TRAF3: variants seen among roughly 807,000 people sequenced by gnomAD.
The protein encoded by TRAF3 is TNF receptor-associated factor 3.
A neutral mutation model predicts 62.3 loss-of-function variants in TRAF3; 13 were observed. The ratio of observed to expected loss-of-function variants is 0.21; its 90% CI spans 0.14 to 0.33. The LOEUF (loss-of-function observed/expected upper bound fraction) is 0.33. TRAF3 is among the 10% of genes least tolerant of loss of function. The probability of loss-of-function intolerance (pLI) is 1.00; values close to 1 mark genes in which losing one functional copy is unlikely to be tolerated. For missense variants in TRAF3, 440 were observed against 741.8 expected, an observed-to-expected ratio of 0.59 and a Z score of 4.73; for synonymous variants, 269 against 283.4, an observed-to-expected ratio of 0.95 and a Z score of 0.51.
intron 1 of TRAF3, among the ~76,000 whole-genome samples, chr14:102,778,373 A>G (rs1282026729): frequency 6.6e-6 from 1 of 152,064 alleles, no homozygotes; most frequent in African/African-American, 2.4e-5. Context: ...ACTTCGGTCT[A>G]GTATTTGGAC....
chr14:102,779,226 A>G (rs1351136068), intron 1 of TRAF3, among the ~76,000 whole-genome samples: 1 of 150,178 alleles, frequency 6.7e-6, no homozygotes, highest in Middle Eastern at 3.5e-3. Context: ...CTGTCAATGC[A>G]GAAGCCAGGA....
intron 1 of TRAF3, among the ~76,000 whole-genome samples, chr14:102,819,725 G>A (rs943144951): frequency 1.3e-5 from 2 of 152,322 alleles, no homozygotes; most frequent in East Asian, 1.9e-4. Context: ...AACAGAAATA[G>A]TGAAAGTACC....
chr14:102,799,169 T>C lies in TRAF3; in HGVS notation c.-157+21494T>C, dbSNP rs146552653. On this transcript the variant is annotated intron_variant, in intron 1 of 11. Transcript: ENST00000392745. ...AAGCAGAATTAAGAGTCTGGTGGCA[T>C]TGGGGGGAGATTAGTGCTGTGGAAG... 5.4e-3 allele frequency among the ~76,000 whole-genome samples: 824 copies of C among 151,956 alleles called. 6 individuals are homozygous for C. The highest frequency in any genetic ancestry group is 9.8e-3 in the Admixed American group (150 of 15,274).
chr14:102,806,519 T>G (rs746272538), intron 1 of TRAF3, among the ~76,000 whole-genome samples: 2 of 152,226 alleles, frequency 1.3e-5, no homozygotes, highest in Admixed American at 1.3e-4. Context: ...CCCAAACTTA[T>G]GTCTTTAGTC....
At chr14:102,866,352 C>T (rs1043562335) in intron 2 of TRAF3, among the ~76,000 whole-genome samples, 1 of 151,942 alleles carries the variant, frequency 6.6e-6, no homozygotes, top group African/African-American at 2.4e-5. Flanking sequence ...CACAACGGCA[C>T]GTGTATACCC....
At chr14:102,787,314 CAT>C (rs529521592) in intron 1 of TRAF3, among the ~76,000 whole-genome samples, 5 of 152,282 alleles carry the variant, frequency 3.3e-5, no homozygotes, top group South Asian at 2.1e-4. Flanking sequence ...GCAATTTTAA[CAT>C]ATGAATTTTT....
chr14:102,861,830 A>C (rs1278787889), intron 2 of TRAF3, among the ~76,000 whole-genome samples: 1 of 152,202 alleles, frequency 6.6e-6, no homozygotes, highest in Non-Finnish European at 1.5e-5. Context: ...GCGCTTGTTG[A>C]ATATTTCAGT....
At position 102,908,799 on chromosome 14, in the gene TRAF3, C is replaced by G. The variant is rs1193587409; in HGVS notation, c.*3015C>G. The G allele has an allele frequency of 6.6e-6, 1 of 152,338 alleles. No homozygotes were observed. The highest frequency in any genetic ancestry group is 1.9e-4 in the East Asian group (1 of 5,200). The allele number at this position is 152,338 out of a possible 1,614,324, so 9.4% of individuals were successfully genotyped here. The stretch of plus-strand genomic sequence containing the variant: ...AACAAAACAACGTCCCCTCTCCCCT[C>G]GCCTCGAGCAGTTTCTTCAGGACAC... On this transcript the variant is annotated 3_prime_UTR_variant, in exon 12 of 12. Transcript: ENST00000392745.
At chr14:102,848,889 A>G (rs1317226751) in intron 2 of TRAF3, among the ~76,000 whole-genome samples, 1 of 152,190 alleles carries the variant, frequency 6.6e-6, no homozygotes, top group African/African-American at 2.4e-5. Flanking sequence ...GGTACTTCAG[A>G]GGTGCGTGAT....
At chr14:102,833,035 G>A (rs1186758885) in intron 2 of TRAF3, among the ~76,000 whole-genome samples, 1 of 152,154 alleles carries the variant, frequency 6.6e-6, no homozygotes, top group Non-Finnish European at 1.5e-5. Flanking sequence ...CCACATAAAT[G>A]GGTGTGACCT....
At chr14:102,876,591 C>A (rs185573140) in intron 6 of TRAF3, 66 bp downstream of exon 6, 1 of 1,574,916 alleles carries the variant, frequency 6.3e-7, no homozygotes, top group African/African-American at 1.4e-5. Context: ...ACAGGCCTTC[C>A]GCTCAATTCG....
rs181532243 is a variant in TRAF3 at position 102,787,971 on chromosome 14, C to G, written c.-157+10296C>G. Reference sequence around the variant, plus strand: ...GGTTCAAGCCATTCTCATGCCTCAGCCTCCCGAGTAGCTGGGATTACAGGT... The same window carrying G: ...GGTTCAAGCCATTCTCATGCCTCAGGCTCCCGAGTAGCTGGGATTACAGGT... On this transcript the variant is annotated intron_variant, in intron 1 of 11. Transcript: ENST00000392745. Among the ~76,000 whole-genome samples the G allele has an allele frequency of 3.2e-3, 493 of 151,782 alleles. 4 individuals carry two copies. The highest frequency in any genetic ancestry group is 0.012 in the African/African-American group (484 of 41,384).
At chr14:102,828,031 C>T (rs138413209) in intron 1 of TRAF3, among the ~76,000 whole-genome samples, 10 of 152,364 alleles carry the variant, frequency 6.6e-5, no homozygotes, top group South Asian at 2.1e-4. Context: ...GGCGTCGTAG[C>T]GCACAGCGCA....
intron 7 of TRAF3, among the ~76,000 whole-genome samples, chr14:102,887,041 C>T (rs374882467): frequency 8.2e-4 from 125 of 152,298 alleles, no homozygotes; most frequent in African/African-American, 2.8e-3. Flanking sequence ...AAAGGTTGCA[C>T]GTCTCACATT....
intron 1 of TRAF3, among the ~76,000 whole-genome samples, chr14:102,802,388 T>A (rs1898493009): frequency 6.7e-6 from 1 of 149,464 alleles, no homozygotes; most frequent in Non-Finnish European, 1.5e-5. Flanking sequence ...TCTCCTGACC[T>A]CGTGATCTGC....
At chr14:102,900,842 G>A (rs1177129350) in intron 10 of TRAF3, among the ~76,000 whole-genome samples, 1 of 152,264 alleles carries the variant, frequency 6.6e-6, no homozygotes, top group Non-Finnish European at 1.5e-5. Context: ...TTGATGTGGA[G>A]TGCAGTCTGT....
intron 7 of TRAF3, among the ~76,000 whole-genome samples, chr14:102,887,755 C>T (rs1020683670): frequency 2.6e-5 from 4 of 152,076 alleles, no homozygotes; most frequent in Non-Finnish European, 4.4e-5. Context: ...CCACCACGCC[C>T]GGCTAATTTC....
chr14:102,881,419 G>A (rs1309286800), intron 6 of TRAF3, among the ~76,000 whole-genome samples: 5 of 151,320 alleles, frequency 3.3e-5, no homozygotes, highest in African/African-American at 9.7e-5. Context: ...AAGAAAAAAA[G>A]GAAGGAGATC....
rs1247542376 is a variant in TRAF3, at chr14:102,876,605, A to C, written c.570+80A>C. Reference sequence around the variant, plus strand: ...CACAGGCCTTCCGCTCAATTCGTAGATAATCCGTTCCACAGGCCTTCCCTC... The same window carrying C: ...CACAGGCCTTCCGCTCAATTCGTAGCTAATCCGTTCCACAGGCCTTCCCTC... On this transcript the variant is annotated intron_variant, in intron 6 of 11. Transcript: ENST00000392745. The C allele has an allele frequency of 3.2e-6, 5 of 1,551,678 alleles. No individual in the cohort carries two copies. The African/African-American group carries it at 5.5e-5, about 17-fold the overall frequency.
Sources: allele counts gnomAD v4.1 joint callset (sites outside exome capture counted in the v4.1 genomes callset), GRCh38; gene constraint gnomAD v4.1.1; transcripts MANE v1.5; gene names NCBI Gene and HGNC (gene_info 2026-07-23, HGNC 2026-07-21).